The following RALYL variants were observed in gnomAD, a reference collection of about 807,000 sequenced individuals.
RALYL encodes the protein RALY RNA binding protein like.
RALYL carries 29 observed loss-of-function variants against 35.1 expected under a neutral mutation model. That is an observed-to-expected ratio of 0.83 (90% CI 0.61 to 1.13). RALYL has a LOEUF of 1.13. Ranked by LOEUF, RALYL falls within the 50% of genes most tolerant of loss-of-function variation. RALYL has a pLI of 0.00. For missense variants in RALYL, 359 were observed against 360.4 expected (o/e 1.00, Z 0.03); for synonymous variants, 120 against 127.6 (o/e 0.94, Z 0.40).
rs564795627 is a variant in RALYL, at chr8:84,326,840, A to C, written c.-24+142416A>C. Among the ~76,000 whole-genome samples the C allele has an allele frequency of 2.6e-5, 4 of 152,266 alleles. No homozygotes were observed. The South Asian group carries it at 8.3e-4, about 32-fold the overall frequency. On this transcript the variant is annotated intron_variant, in intron 1 of 8. Coordinates refer to ENST00000521268, the MANE Select transcript of RALYL (RefSeq NM_173848.7). Reference sequence around the variant, plus strand: ...AATTTTCATGTAGTATTTGTGTCTCAATCTCATGGGACAAAACTTATCAGC... The same window carrying C: ...AATTTTCATGTAGTATTTGTGTCTCCATCTCATGGGACAAAACTTATCAGC...
intron 4 of RALYL, among the ~76,000 whole-genome samples, chr8:84,849,619 C>A (rs894107555): frequency 2.7e-5 from 4 of 150,414 alleles, no homozygotes; most frequent in African/African-American, 9.8e-5. Context: ...AGTGCAGTGG[C>A]GCGATCTTGG....
intron 1 of RALYL, among the ~76,000 whole-genome samples, chr8:84,332,403 A>G (rs79744391): frequency 0.052 from 7,930 of 152,180 alleles, 299 homozygotes; most frequent in African/African-American, 0.088. Context: ...GACCCAATTG[A>G]TTATTGTTTT....
At chr8:84,310,422 C>T (rs1842550648) in intron 1 of RALYL, among the ~76,000 whole-genome samples, 1 of 151,500 alleles carries the variant, frequency 6.6e-6, no homozygotes, top group South Asian at 2.1e-4. Context: ...TGGTAATCAT[C>T]ACACAATGTC....
At chr8:84,728,538 A>C (rs1378454293) in intron 2 of RALYL, among the ~76,000 whole-genome samples, 1 of 151,888 alleles carries the variant, frequency 6.6e-6, no homozygotes, top group African/African-American at 2.4e-5. Context: ...TTTAGACATG[A>C]AGTCCTTGCC....
At chr8:84,850,945 CCTTTACTAAGT>C (rs1428661757) in intron 5 of RALYL, among the ~76,000 whole-genome samples, 1 of 152,120 alleles carries the variant, frequency 6.6e-6, no homozygotes, top group Non-Finnish European at 1.5e-5. Context: ...GATAAGTTTG[CCTTTACTAAGT>C]TCCTCTGACT....
chr8:84,835,575 C>G, intron 4 of RALYL, among the ~76,000 whole-genome samples: 1 of 146,216 alleles, frequency 6.8e-6, no homozygotes, highest in South Asian at 2.2e-4. Context: ...CCCAGCTACT[C>G]GGGAGGCTGA....
intron 1 of RALYL, among the ~76,000 whole-genome samples, chr8:84,344,951 G>C (rs1324765904): frequency 1.3e-5 from 2 of 152,012 alleles, no homozygotes; most frequent in Non-Finnish European, 2.9e-5. Flanking sequence ...TCCACTGATG[G>C]ACACAGGTTG....
intron 2 of RALYL, among the ~76,000 whole-genome samples, chr8:84,696,116 A>C (rs1213699593): frequency 2.6e-5 from 4 of 151,850 alleles, no homozygotes; most frequent in African/African-American, 4.8e-5. Flanking sequence ...ATGAACAATC[A>C]TGTCTGTTTT....
At chr8:84,285,585 G>T (rs939674298) in intron 1 of RALYL, among the ~76,000 whole-genome samples, 1 of 152,128 alleles carries the variant, frequency 6.6e-6, no homozygotes, top group African/African-American at 2.4e-5. Context: ...TCTAAATAAG[G>T]TTGTGACTTA....
chr8:84,504,567 C>T (rs896059292), intron 1 of RALYL, among the ~76,000 whole-genome samples: 3 of 152,036 alleles, frequency 2.0e-5, no homozygotes, highest in Non-Finnish European at 4.4e-5. Context: ...AGAACAGTTT[C>T]CATGGTGGTT....
intron 2 of RALYL, among the ~76,000 whole-genome samples, chr8:84,643,053 AG>A (rs774333937): frequency 5.9e-5 from 9 of 151,946 alleles, no homozygotes; most frequent in Admixed American, 4.6e-4. Flanking sequence ...AGTTGGAAGA[AG>A]GGGAAAGAGA....
At chr8:84,301,801 ATAATT>A (rs1840843283) in intron 1 of RALYL, among the ~76,000 whole-genome samples, 1 of 152,096 alleles carries the variant, frequency 6.6e-6, no homozygotes, top group Admixed American at 6.6e-5. Context: ...TTTTTTATAT[ATAATT>A]TAATTAATCC....
chr8:84,195,344 G>A (rs1444653081), intron 1 of RALYL, among the ~76,000 whole-genome samples: 2 of 152,106 alleles, frequency 1.3e-5, no homozygotes, highest in Admixed American at 1.3e-4. Context: ...GGAGGCTAAG[G>A]AAGGAGAATT....
chr8:84,722,625 ATATATATATATATATATATATATG>A (rs1844167271), intron 2 of RALYL, among the ~76,000 whole-genome samples: 3 of 136,930 alleles, frequency 2.2e-5, no homozygotes, highest in African/African-American at 6.0e-5. Flanking sequence ...TTTTATATAT[ATATATATATATATATATATATATG>A]TATGTATATA....
intron 1 of RALYL, among the ~76,000 whole-genome samples, chr8:84,468,343 T>C (rs1021897183): frequency 1.1e-4 from 17 of 152,164 alleles, no homozygotes; most frequent in Admixed American, 5.9e-4. Flanking sequence ...GGCCTGGTGG[T>C]GACAAAATCT....
intron 2 of RALYL, among the ~76,000 whole-genome samples, chr8:84,670,399 A>G (rs1832974817): frequency 1.3e-5 from 2 of 152,172 alleles, no homozygotes; most frequent in African/African-American, 2.4e-5. Context: ...AATGTCAGAC[A>G]TCTGATCTCC....
intron 1 of RALYL, among the ~76,000 whole-genome samples, chr8:84,527,038 T>C (rs2058954117): frequency 6.6e-6 from 1 of 152,216 alleles, no homozygotes; most frequent in Non-Finnish European, 1.5e-5. Flanking sequence ...AGAAAAGATA[T>C]TAAACTATGA....
At chr8:84,742,483 A>T (rs1311382684) in intron 2 of RALYL, among the ~76,000 whole-genome samples, 1 of 152,022 alleles carries the variant, frequency 6.6e-6, no homozygotes, top group Non-Finnish European at 1.5e-5. Context: ...AACCTGAAAA[A>T]GTTAACTATA....
chr8:84,398,525 T>C (rs1207433341), intron 1 of RALYL, among the ~76,000 whole-genome samples: 1 of 152,156 alleles, frequency 6.6e-6, no homozygotes, highest in Non-Finnish European at 1.5e-5. Context: ...TCTTTCACAG[T>C]AGTAATATCT....
Sources: allele counts gnomAD v4.1 joint callset (sites outside exome capture counted in the v4.1 genomes callset), GRCh38; gene constraint gnomAD v4.1.1; transcripts MANE v1.5; gene names NCBI Gene and HGNC (gene_info 2026-07-23, HGNC 2026-07-21).